HS6ST3: variants seen among roughly 807,000 people sequenced by gnomAD.
HS6ST3 encodes the protein heparan-sulfate 6-O-sulfotransferase 3.
In HS6ST3, 12 loss-of-function variants were observed where a neutral mutation model predicts 36.7. The observed-to-expected ratio is 0.33, with a 90% confidence interval of 0.21 to 0.53. The LOEUF (loss-of-function observed/expected upper bound fraction) is 0.53, where lower values mean the gene tolerates loss of function less well. HS6ST3 is among the 20% of genes least tolerant of loss of function. HS6ST3 has a pLI of 0.95. For missense variants in HS6ST3, 584 were observed against 640.9 expected, an observed-to-expected ratio of 0.91 and a Z score of 0.96; for synonymous variants, 240 against 257.5, an observed-to-expected ratio of 0.93 and a Z score of 0.65.
Position 96,167,011 on chromosome 13 carries a change from C to T in HS6ST3, c.707+75442C>T, listed in dbSNP as rs549251565. ...CCCTTCCCACATGATTGTAAGTTTC[C>T]TGAGGCCTCACCAGTCATGCTGAAC... On this transcript the variant is annotated intron_variant, in intron 1 of 1. Transcript: ENST00000376705. 9.2e-5 allele frequency among the ~76,000 whole-genome samples: 14 copies of T among 152,230 alleles called. 1 individual carries two copies. Among genetic ancestry groups the T allele is most frequent in the African/African-American group, 2.9e-4 (12 of 41,548 alleles).
At position 96,838,973 on chromosome 13, in the gene HS6ST3, G is replaced by T. The variant is rs1462591618; in HGVS notation, c.*5775G>T. The T allele has an allele frequency of 1.3e-5, 2 of 152,202 alleles. No individual in the cohort carries two copies. Among genetic ancestry groups the T allele is most frequent in the African/African-American group, 4.8e-5 (2 of 41,446 alleles). The allele number at this position is 152,202 out of a possible 1,614,324, so 9.4% of individuals were successfully genotyped here. ...ACGCAGATGGACAGGTGTCTCTTGA[G>T]CCTGTGTTCCAAGATGTCTGTGGAA... On this transcript the variant is annotated 3_prime_UTR_variant, in exon 2 of 2. Coordinates refer to ENST00000376705, the MANE Select transcript of HS6ST3 (RefSeq NM_153456.4).
At chr13:96,128,256 A>G (rs1233702350) in intron 1 of HS6ST3, among the ~76,000 whole-genome samples, 1 of 152,154 alleles carries the variant, frequency 6.6e-6, no homozygotes, top group East Asian at 1.9e-4. Flanking sequence ...GCTTATAACT[A>G]ATAGAGTTGA....
At chr13:96,457,972 C>T (rs2055762510) in intron 1 of HS6ST3, among the ~76,000 whole-genome samples, 1 of 151,976 alleles carries the variant, frequency 6.6e-6, no homozygotes, top group South Asian at 2.1e-4. Flanking sequence ...GTGGATAAGC[C>T]TCCTATTCTA....
intron 1 of HS6ST3, among the ~76,000 whole-genome samples, chr13:96,780,706 T>C (rs1877503992): frequency 6.6e-6 from 1 of 152,148 alleles, no homozygotes; most frequent in Non-Finnish European, 1.5e-5. Context: ...TAGCTGCTGT[T>C]GAGGAGGGCA....
rs546752695 is a variant in HS6ST3 at position 96,730,161 on chromosome 13, T to C, written c.708-102329T>C. 6.1e-4 allele frequency among the ~76,000 whole-genome samples: 93 copies of C among 152,354 alleles called. 2 individuals are homozygous for C. Among genetic ancestry groups the C allele is most frequent in the African/African-American group, 2.2e-3 (91 of 41,588 alleles). Reference sequence around the variant, plus strand: ...CATTTAGTGTCATTTGGAAATTTCATTCACGCAGGTCTTTTTCCAGATCAT... The same window carrying C: ...CATTTAGTGTCATTTGGAAATTTCACTCACGCAGGTCTTTTTCCAGATCAT... On this transcript the variant is annotated intron_variant, in intron 1 of 1. Coordinates refer to ENST00000376705, the MANE Select transcript of HS6ST3 (RefSeq NM_153456.4).
At chr13:96,173,609 A>C (rs985099165) in intron 1 of HS6ST3, among the ~76,000 whole-genome samples, 2 of 145,882 alleles carry the variant, frequency 1.4e-5, no homozygotes, top group African/African-American at 5.0e-5. Context: ...CATTTCTTTG[A>C]GGACAAACAA....
intron 1 of HS6ST3, among the ~76,000 whole-genome samples, chr13:96,421,149 A>G (rs1002573420): frequency 1.3e-5 from 2 of 152,186 alleles, no homozygotes; most frequent in African/African-American, 4.8e-5. Flanking sequence ...ATCAATATTA[A>G]CAAATGATAA....
At chr13:96,732,921 CA>C (rs566583429) in intron 1 of HS6ST3, among the ~76,000 whole-genome samples, 15 of 152,078 alleles carry the variant, frequency 9.9e-5, no homozygotes, top group Non-Finnish European at 2.1e-4. Flanking sequence ...TTGTTTTCTT[CA>C]TTTCTTTTTC....
chr13:96,494,834 T>C (rs955404322), intron 1 of HS6ST3, among the ~76,000 whole-genome samples: 3 of 152,248 alleles, frequency 2.0e-5, no homozygotes, highest in Admixed American at 6.5e-5. Context: ...GTCCTACTTA[T>C]CTGTGCTTTG....
intron 1 of HS6ST3, among the ~76,000 whole-genome samples, chr13:96,389,090 T>C (rs1211030307): frequency 6.6e-6 from 1 of 152,164 alleles, no homozygotes; most frequent in Admixed American, 6.5e-5. Flanking sequence ...AATGTAGAGA[T>C]AGAAAATTAA....
chr13:96,180,198 A>G (rs1268187751), intron 1 of HS6ST3, among the ~76,000 whole-genome samples: 2 of 152,168 alleles, frequency 1.3e-5, no homozygotes, highest in Non-Finnish European at 2.9e-5. Context: ...ACACACGCAC[A>G]CACACACACA....
chr13:96,688,822 G>A (rs969159507), intron 1 of HS6ST3, among the ~76,000 whole-genome samples: 2 of 152,088 alleles, frequency 1.3e-5, no homozygotes, highest in Middle Eastern at 3.4e-3. Flanking sequence ...AGAGTACACC[G>A]TGCTTTGCCA....
intron 1 of HS6ST3, among the ~76,000 whole-genome samples, chr13:96,771,468 A>T (rs1877263478): frequency 6.6e-6 from 1 of 152,216 alleles, no homozygotes; most frequent in Admixed American, 6.5e-5. Flanking sequence ...GGGAAACCAG[A>T]TAAGCATTCT....
At chr13:96,363,129 A>C (rs2055246613) in intron 1 of HS6ST3, among the ~76,000 whole-genome samples, 1 of 152,076 alleles carries the variant, frequency 6.6e-6, no homozygotes, top group Admixed American at 6.6e-5. Flanking sequence ...ATAGGACTGC[A>C]CACACACACT....
At chr13:96,221,331 C>T (rs1451497487) in intron 1 of HS6ST3, among the ~76,000 whole-genome samples, 1 of 152,116 alleles carries the variant, frequency 6.6e-6, no homozygotes, top group Non-Finnish European at 1.5e-5. Context: ...CTGTGTGATC[C>T]CTACCCTTCT....
At chr13:96,577,292 T>A (rs895055745) in intron 1 of HS6ST3, among the ~76,000 whole-genome samples, 28 of 152,188 alleles carry the variant, frequency 1.8e-4, no homozygotes, top group African/African-American at 6.8e-4. Context: ...TGTGTTAGTT[T>A]GCTGAGAATG....
intron 1 of HS6ST3, among the ~76,000 whole-genome samples, chr13:96,268,196 C>T (rs1275281402): frequency 2.0e-5 from 3 of 151,678 alleles, no homozygotes; most frequent in Admixed American, 6.6e-5. Context: ...ACAATTTAGT[C>T]CTGTGTTAGT....
chr13:96,779,318 A>G (rs796505566), intron 1 of HS6ST3, among the ~76,000 whole-genome samples: 3 of 96,062 alleles, frequency 3.1e-5, no homozygotes, highest in African/African-American at 2.9e-4. Context: ...TAAAGTATCA[A>G]TAATAATAAT....
At chr13:96,654,163 G>A (rs1007716671) in intron 1 of HS6ST3, among the ~76,000 whole-genome samples, 5 of 152,126 alleles carry the variant, frequency 3.3e-5, no homozygotes, top group Non-Finnish European at 7.4e-5. Flanking sequence ...TAGGTTGCCT[G>A]TTCACTCTGA....
Sources: gnomAD v4.1 joint callset for allele counts (sites outside exome capture counted in the v4.1 genomes callset) on GRCh38, gnomAD v4.1.1 for gene constraint, MANE v1.5 for transcripts, NCBI Gene and HGNC (gene_info 2026-07-23, HGNC 2026-07-21) for gene names.